Variants in MED27 observed in about 807,000 individuals in gnomAD.
MED27 encodes the protein mediator complex subunit 27.
MED27 carries 30 observed loss-of-function variants against 38.2 expected under a neutral mutation model. That is an observed-to-expected ratio of 0.79 (90% CI 0.59 to 1.07). The LOEUF (loss-of-function observed/expected upper bound fraction) is 1.07, where lower values mean the gene tolerates loss of function less well. Ranked by LOEUF, MED27 falls within the 50% of genes least tolerant of loss-of-function variation. The pLI is 0.00. For synonymous variants in MED27, 122 were observed against 153.5 expected, an observed-to-expected ratio of 0.79 and a Z score of 1.52; for missense variants, 289 against 397.5, an observed-to-expected ratio of 0.73 and a Z score of 2.32.
Position 131,893,929 on chromosome 9 carries a change from T to C in MED27, c.637A>G (p.Ile213Val), listed in dbSNP as rs755861432. The part of the protein sequence containing the change: ...VMRSLFIDRT[I>V]VKGYNENVYT... ...ACATTCTCGTTATATCCCTTTACTATTGTTCGATCAATGAACAGGCTCCGC... is the reference window on the plus strand; with the variant it reads ...ACATTCTCGTTATATCCCTTTACTACTGTTCGATCAATGAACAGGCTCCGC... The change falls in exon 5 of 8, where the codon ATA becomes GTA. Residue 213 changes from isoleucine (I) to valine (V), a missense_variant. Physicochemically the swap from Ile to Val is conservative, Grantham distance 29. Transcript: ENST00000292035. The C allele has an allele frequency of 1.9e-6, 3 of 1,614,212 alleles. No individual in the cohort carries two copies. The highest frequency in any genetic ancestry group is 2.5e-6 in the Non-Finnish European group (3 of 1,180,026).
chr9:132,035,511 C>T (rs1336693988), intron 2 of MED27, among the ~76,000 whole-genome samples: 2 of 152,088 alleles, frequency 1.3e-5, no homozygotes, highest in South Asian at 2.1e-4. Context: ...GGGGTGGTGA[C>T]GAGAGGGCCG....
intron 3 of MED27, among the ~76,000 whole-genome samples, chr9:132,001,498 C>T (rs1007211024): frequency 3.9e-5 from 6 of 152,108 alleles, no homozygotes; most frequent in Admixed American, 3.9e-4. Flanking sequence ...ACCAATTTAA[C>T]TAGAGGGATC....
chr9:131,993,831 C>T (rs1355496057), intron 3 of MED27, among the ~76,000 whole-genome samples: 3 of 152,222 alleles, frequency 2.0e-5, no homozygotes, highest in Non-Finnish European at 4.4e-5. Context: ...TCTCCGTACA[C>T]TCTGATTTCC....
intron 3 of MED27, among the ~76,000 whole-genome samples, chr9:131,976,573 A>C (rs1295717039): frequency 6.6e-6 from 1 of 152,246 alleles, no homozygotes; most frequent in East Asian, 1.9e-4. Context: ...CTCCCATTAC[A>C]AATAGGCCTT....
rs188759661 is a variant in MED27, at chr9:131,920,461, C to T, written c.573+18920G>A. Among the ~76,000 whole-genome samples the T allele has an allele frequency of 1.2e-3, 179 of 152,320 alleles. 1 individual carries two copies. Among genetic ancestry groups the T allele is most frequent in the African/African-American group, 4.1e-3 (171 of 41,564 alleles). On this transcript the variant is annotated intron_variant, in intron 4 of 7. Coordinates refer to ENST00000292035, the MANE Select transcript of MED27 (RefSeq NM_004269.4). ...TCAACCAATAATTACTCAACACCTACTATGTGCCAGGCATTCTTCTAGGGG... is the reference window on the plus strand; with the variant it reads ...TCAACCAATAATTACTCAACACCTATTATGTGCCAGGCATTCTTCTAGGGG...
At chr9:132,026,560 C>T (rs1017932736) in intron 2 of MED27, among the ~76,000 whole-genome samples, 3 of 152,166 alleles carry the variant, frequency 2.0e-5, no homozygotes, top group Admixed American at 2.0e-4. Flanking sequence ...ACTGGCCTAG[C>T]AGAAGGGTCT....
chr9:131,928,030 C>A (rs1830513637), intron 4 of MED27, among the ~76,000 whole-genome samples: 1 of 152,074 alleles, frequency 6.6e-6, no homozygotes, highest in African/African-American at 2.4e-5. Flanking sequence ...CACAAACAAC[C>A]CCCAAGCCCT....
intron 6 of MED27, among the ~76,000 whole-genome samples, chr9:131,879,852 T>G (rs188482182): frequency 6.6e-6 from 1 of 152,306 alleles, no homozygotes; most frequent in East Asian, 1.9e-4. Context: ...CATATATAAG[T>G]GGGTGGACAG....
At chr9:132,023,802 A>G (rs1409182962) in intron 2 of MED27, among the ~76,000 whole-genome samples, 1 of 152,256 alleles carries the variant, frequency 6.6e-6, no homozygotes, top group Non-Finnish European at 1.5e-5. Context: ...TGATGTCAGA[A>G]AAACAAAAAA....
chr9:131,990,659 T>C (rs1166913928), intron 3 of MED27, among the ~76,000 whole-genome samples: 1 of 152,214 alleles, frequency 6.6e-6, no homozygotes, highest in Non-Finnish European at 1.5e-5. Flanking sequence ...CAGGAGGATG[T>C]GGTCTCTCAG....
At chr9:131,950,707 C>T (rs992820731) in intron 3 of MED27, among the ~76,000 whole-genome samples, 4 of 152,184 alleles carry the variant, frequency 2.6e-5, no homozygotes, top group African/African-American at 7.2e-5. Context: ...GGGACAAACA[C>T]GCTATTTGTA....
chr9:131,864,254 G>C (rs993223830), intron 6 of MED27, among the ~76,000 whole-genome samples: 1 of 152,130 alleles, frequency 6.6e-6, no homozygotes, highest in South Asian at 2.1e-4. Flanking sequence ...GCTGAGTCAG[G>C]GGGGATCACT....
At chr9:131,970,617 A>C (rs1418982918) in intron 3 of MED27, among the ~76,000 whole-genome samples, 1 of 152,272 alleles carries the variant, frequency 6.6e-6, no homozygotes, top group Non-Finnish European at 1.5e-5. Flanking sequence ...TGCTTTGAAA[A>C]AACAGCACAA....
chr9:131,881,800 C>CTTTTTTTTCTTTTTTT (rs1839049337), intron 6 of MED27, among the ~76,000 whole-genome samples: 1 of 60,962 alleles, frequency 1.6e-5, no homozygotes, highest in Non-Finnish European at 3.0e-5. Context: ...TCTTCTTCTT[C>CTTTTTTTTCTTTTTTT]TTTTTTTTTT....
intron 3 of MED27, among the ~76,000 whole-genome samples, chr9:131,985,183 T>C (rs1396823729): frequency 6.6e-6 from 1 of 152,202 alleles, no homozygotes; most frequent in African/African-American, 2.4e-5. Context: ...TTCTTTGCCT[T>C]TTGCTTTGCG....
intron 3 of MED27, among the ~76,000 whole-genome samples, chr9:131,972,310 T>A (rs879654925): frequency 2.0e-5 from 3 of 151,916 alleles, no homozygotes; most frequent in African/African-American, 2.4e-5. Context: ...AAAAAAAAAA[T>A]AATAGCTTGA....
rs771026653 is a variant in MED27 at position 132,014,463 on chromosome 9, T to C, written c.353A>G (p.Gln118Arg). ...GCCAGATGCTAGTCCTGCATGGTAC[T>C]GCAACTGCAGAGAAAAACAAAACAA... is the stretch of plus-strand genomic sequence containing the variant. ...LQAYKWSNKLQYHAGLASGLL... is the reference protein window; with the variant it reads ...LQAYKWSNKLRYHAGLASGLL... The change falls in exon 3 of 8, where the codon CAG becomes CGG. Residue 118 changes from glutamine to arginine, a missense_variant. By Grantham distance (43) the Gln-to-Arg change is conservative. Transcript: ENST00000292035. 4 of 1,612,242 alleles carry C rather than the reference T, an allele frequency of 2.5e-6. No homozygotes were observed. The highest frequency in any genetic ancestry group is 1.7e-5 in the Admixed American group (1 of 59,574).
chr9:132,010,385 G>C (rs1832459792), intron 3 of MED27, among the ~76,000 whole-genome samples: 1 of 152,208 alleles, frequency 6.6e-6, no homozygotes, highest in Non-Finnish European at 1.5e-5. Flanking sequence ...GGAAACAACA[G>C]GTGCTGGAGA....
At chr9:131,874,697 G>A (rs1348330795) in intron 6 of MED27, among the ~76,000 whole-genome samples, 1 of 152,198 alleles carries the variant, frequency 6.6e-6, no homozygotes, top group Non-Finnish European at 1.5e-5. Context: ...GCTGCGAGGA[G>A]ACGCGCTGGG....
Sources: gnomAD v4.1 joint callset for allele counts (sites outside exome capture counted in the v4.1 genomes callset) on GRCh38, gnomAD v4.1.1 for gene constraint, MANE v1.5 for transcripts, NCBI Gene and HGNC (gene_info 2026-07-23, HGNC 2026-07-21) for gene names.